The following ADCY2 variants were observed in gnomAD, a reference collection of about 807,000 sequenced individuals.
ADCY2 encodes adenylate cyclase type 2.
Under a neutral mutation model 125.2 loss-of-function variants are expected in ADCY2, and 31 were observed. The observed-to-expected ratio is 0.25, with a 90% confidence interval of 0.19 to 0.33. ADCY2 has a LOEUF of 0.33. Among genes scored for constraint, ADCY2 ranks in the 10% least tolerant of loss-of-function variants. The pLI, the probability that ADCY2 is intolerant of heterozygous loss-of-function variation, is 1.00. For missense variants in ADCY2, 904 were observed against 1,418.2 expected, an observed-to-expected ratio of 0.64 and a Z score of 5.82; for synonymous variants, 512 against 548.4, an observed-to-expected ratio of 0.93 and a Z score of 0.93.
chr5:7,583,939 C>T (rs1000389065), intron 3 of ADCY2, among the ~76,000 whole-genome samples: 8 of 151,878 alleles, frequency 5.3e-5, no homozygotes, highest in South Asian at 4.2e-4. Context: ...AGATAAGTCA[C>T]GAAAACATAT....
At chr5:7,804,109 G>A (rs886429165) in intron 21 of ADCY2, among the ~76,000 whole-genome samples, 1 of 122,242 alleles carries the variant, frequency 8.2e-6, no homozygotes, top group Non-Finnish European at 1.7e-5. Context: ...ATTAGGCTAG[G>A]GCTGATGACA....
chr5:7,442,815 T>A (rs1741063649), intron 2 of ADCY2, among the ~76,000 whole-genome samples: 1 of 152,216 alleles, frequency 6.6e-6, no homozygotes, highest in South Asian at 2.1e-4. Context: ...GAGTAAGGAA[T>A]CTGTGCCCTA....
At chr5:7,627,261 A>G (rs1738165593) in intron 4 of ADCY2, among the ~76,000 whole-genome samples, 2 of 152,168 alleles carry the variant, frequency 1.3e-5, no homozygotes, top group Non-Finnish European at 2.9e-5. Flanking sequence ...ACAAATGCAC[A>G]TCAGGGAAAT....
intron 2 of ADCY2, among the ~76,000 whole-genome samples, chr5:7,499,984 A>T (rs1224378980): frequency 6.6e-6 from 1 of 152,164 alleles, no homozygotes. Flanking sequence ...CAAGAGACTC[A>T]AAGTGATTCC....
intron 2 of ADCY2, among the ~76,000 whole-genome samples, chr5:7,484,248 A>G (rs1015104417): frequency 6.6e-6 from 1 of 152,228 alleles, no homozygotes; most frequent in African/African-American, 2.4e-5. Context: ...TAAATAAACA[A>G]CAAATATACA....
chr5:7,654,193 C>T (rs1412107420), intron 4 of ADCY2: 1 of 454,208 alleles, frequency 2.2e-6, no homozygotes, highest in Admixed American at 2.4e-5. Flanking sequence ...GAGAGGAAAG[C>T]CAGGTGAGCA....
intron 4 of ADCY2, among the ~76,000 whole-genome samples, chr5:7,656,242 C>T (rs941227255): frequency 9.9e-5 from 15 of 152,038 alleles, no homozygotes; most frequent in African/African-American, 1.9e-4. Context: ...TTAGTGGAGA[C>T]GGGGTTTCAC....
chr5:7,801,380 A>C (rs533728534), intron 20 of ADCY2: 3 of 152,324 alleles, frequency 2.0e-5, no homozygotes, highest in Admixed American at 6.5e-5. Flanking sequence ...CTGGAGAAGA[A>C]AGCATTTCCC....
intron 2 of ADCY2, among the ~76,000 whole-genome samples, chr5:7,503,940 C>CA (rs1743699045): frequency 6.6e-6 from 1 of 152,180 alleles, no homozygotes; most frequent in South Asian, 2.1e-4. Flanking sequence ...GAGCAGCAGA[C>CA]ACACCCGCTC....
rs529965099 is a variant in ADCY2 at position 7,558,064 on chromosome 5, T to A, written c.570+37165T>A. ...TGTTTTGTTTTTGGTTTTATTTTTT[T>A]TTTTTTGAGATGGAGTCTCACTCTG... On this transcript the variant is annotated intron_variant, in intron 3 of 24. Coordinates refer to ENST00000338316, the MANE Select transcript of ADCY2 (RefSeq NM_020546.3). Among the ~76,000 whole-genome samples the A allele has an allele frequency of 1.5e-3, 229 of 152,182 alleles. 2 individuals are homozygous for A. The highest frequency in any genetic ancestry group is 5.3e-3 in the African/African-American group (220 of 41,534).
chr5:7,789,532 G>T, intron 19 of ADCY2, 110 bp from the exon 20 acceptor site: 2 of 1,075,594 alleles, frequency 1.9e-6, no homozygotes, highest in South Asian at 1.5e-5. Context: ...TCTGTTTGGG[G>T]GTTCTTTTTT....
chr5:7,656,753 C>T (rs752976154), intron 4 of ADCY2, among the ~76,000 whole-genome samples: 7 of 152,152 alleles, frequency 4.6e-5, no homozygotes, highest in Non-Finnish European at 8.8e-5. Flanking sequence ...CGATTGTAAT[C>T]CCTCTGAAGG....
At chr5:7,637,578 C>G (rs763662844) in intron 4 of ADCY2, among the ~76,000 whole-genome samples, 9 of 151,648 alleles carry the variant, frequency 5.9e-5, no homozygotes, top group Non-Finnish European at 1.0e-4. Context: ...GGTTTTAATC[C>G]AAATAGAAAC....
intron 22 of ADCY2, among the ~76,000 whole-genome samples, chr5:7,814,152 C>G (rs987846029): frequency 6.6e-6 from 1 of 152,158 alleles, no homozygotes; most frequent in African/African-American, 2.4e-5. Context: ...CATGGTTTTT[C>G]TCTCATAACT....
At chr5:7,447,419 A>G (rs1398772322) in intron 2 of ADCY2, among the ~76,000 whole-genome samples, 3 of 152,056 alleles carry the variant, frequency 2.0e-5, no homozygotes, top group African/African-American at 7.2e-5. Flanking sequence ...TCTTATAGGG[A>G]TCCCTTCACT....
chr5:7,715,903 A>G (rs1741578711), intron 11 of ADCY2, among the ~76,000 whole-genome samples: 1 of 152,204 alleles, frequency 6.6e-6, no homozygotes. Context: ...TTTATTCCAG[A>G]TTAGATGGTC....
At chr5:7,629,232 G>C (rs961279561) in intron 4 of ADCY2, among the ~76,000 whole-genome samples, 2 of 152,178 alleles carry the variant, frequency 1.3e-5, no homozygotes, top group African/African-American at 4.8e-5. Flanking sequence ...CCTTGGCCTC[G>C]CTTCACAGCC....
intron 3 of ADCY2, among the ~76,000 whole-genome samples, chr5:7,594,761 G>A (rs570025557): frequency 8.5e-5 from 13 of 152,146 alleles, no homozygotes; most frequent in African/African-American, 3.1e-4. Context: ...TCTATATTTG[G>A]GAAACATTCA....
chr5:7,508,664 G>T (rs1027932348), intron 2 of ADCY2, among the ~76,000 whole-genome samples: 3 of 152,160 alleles, frequency 2.0e-5, no homozygotes, highest in Admixed American at 6.5e-5. Context: ...CCAGGTCCAT[G>T]CCCAGGTGGG....
Sources: gnomAD v4.1 joint callset for allele counts (sites outside exome capture counted in the v4.1 genomes callset) on GRCh38, gnomAD v4.1.1 for gene constraint, MANE v1.5 for transcripts, NCBI Gene and HGNC (gene_info 2026-07-23, HGNC 2026-07-21) for gene names.